Variants in FKBP4 observed in about 807,000 individuals in gnomAD.
The protein encoded by FKBP4 is FKBP prolyl isomerase 4, also known as peptidyl-prolyl cis-trans isomerase FKBP4.
Under a neutral mutation model 54.1 loss-of-function variants are expected in FKBP4, and 28 were observed. The ratio of observed to expected loss-of-function variants is 0.52; its 90% confidence interval spans 0.38 to 0.71. The LOEUF is 0.71. Ranked by LOEUF, FKBP4 falls within the 30% of genes least tolerant of loss-of-function variation. The pLI, the probability that FKBP4 is intolerant of heterozygous loss-of-function variation, is 0.00. For synonymous variants in FKBP4, 223 were observed against 216.1 expected (o/e 1.03, Z -0.28); for missense variants, 493 against 574.4 (o/e 0.86, Z 1.45).
In FKBP4 at chr12:2,801,201, C is replaced by T. The variant is rs767616167; in HGVS notation, c.1117C>T (p.Arg373Trp). The T allele has an allele frequency of 2.3e-5, 37 of 1,613,300 alleles. No homozygotes were observed. Among genetic ancestry groups the T allele is most frequent in the Admixed American group, 6.7e-5 (4 of 60,002 alleles). The change falls in exon 9 of 10, where the codon CGG (arginine) becomes TGG (tryptophan). Residue 373 changes from arginine to tryptophan, a missense_variant. By Grantham distance (101) the Arg-to-Trp change is moderately radical. Transcript: ENST00000001008. The part of the protein sequence containing the change: ...HLAVNDFELA[R>W]ADFQKVLQLY... ...GGCCGTGAATGACTTTGAACTGGCACGGGCTGATTTCCAGAAGGTCCTGCA... is the reference window on the plus strand; with the variant it reads ...GGCCGTGAATGACTTTGAACTGGCATGGGCTGATTTCCAGAAGGTCCTGCA...
At chr12:2,801,468 C>T (rs1311376748) in intron 9 of FKBP4, 112 bp downstream of exon 9, 16 of 1,499,992 alleles carry the variant, frequency 1.1e-5, no homozygotes, top group Non-Finnish European at 1.5e-5. Flanking sequence ...CAGAAGTTGC[C>T]TTTTCCCTGG....
Position 2,795,806 on chromosome 12 carries a change from TCCGGCGCCCTCCCGGGGTCCCCTG to T in FKBP4, c.105+566_105+589del, listed in dbSNP as rs1409098208. On this transcript the variant is annotated intron_variant, in intron 1 of 9. Coordinates refer to ENST00000001008, the MANE Select transcript of FKBP4 (RefSeq NM_002014.4). This position sits in a 1 kb window ranked among gnomAD's most constrained non-coding sequence, Gnocchi z 4.3. ...TTGTGCGACGCAGGCGCGACAGGGT[TCCGGCGCCCTCCCGGGGTCCCCTG>T]CCGACGCCGGGACCCAGCGAGGTCC... 3.9e-6 allele frequency: 1 copy of T among 254,342 alleles called. No individual in the cohort carries two copies. Among genetic ancestry groups the T allele is most frequent in the Non-Finnish European group, 6.2e-6 (1 of 160,872 alleles). The allele number at this position is 254,342 out of a possible 1,614,324, so 15.8% of individuals were successfully genotyped here. A position where few individuals can be genotyped will look rare whatever the true frequency, so the allele number is the denominator to read the frequency against.
At position 2,801,298 on chromosome 12, in the gene FKBP4, C is replaced by T; in HGVS notation, c.1214C>T (p.Ala405Val). The T allele has an allele frequency of 6.2e-7, 1 of 1,614,108 alleles. No individual in the cohort carries two copies. The highest frequency in any genetic ancestry group is 8.5e-7 in the Non-Finnish European group (1 of 1,180,044). Residue 405 changes from alanine (A) to valine (V), a missense_variant, in exon 9 of 10, where the codon GCC (alanine) becomes GTC (valine). Transcript: ENST00000001008. ...VCQQRIRRQL[A>V]REKKLYANMF... ...CAGCAGCGGATCCGAAGGCAGCTTG[C>T]CCGGGAGAAGAAGCTCTATGCCAAT...
chr12:2,797,070 G>A (rs1436803670), intron 1 of FKBP4, 68 bp from the exon 2 acceptor site: 1 of 1,595,210 alleles, frequency 6.3e-7, no homozygotes, highest in African/African-American at 1.3e-5. Flanking sequence ...CTGGAGGCTT[G>A]CAGGCAGTGC....
At chr12:2,801,443 G>A (rs1257592822) in intron 9 of FKBP4, 87 bp downstream of exon 9, 4 of 1,576,456 alleles carry the variant, frequency 2.5e-6, no homozygotes, top group Non-Finnish European at 3.5e-6. Context: ...GGTTGTCTGT[G>A]CCAATCCCGG....
chr12:2,799,874 G>A lies in FKBP4; in HGVS notation c.696G>A (p.Lys232=). Residue 232 remains lysine, a synonymous_variant, in exon 6 of 10, where the codon AAG becomes AAA. Coordinates refer to ENST00000001008, the MANE Select transcript of FKBP4 (RefSeq NM_002014.4). ...GCTATGCTTTTGGCAGTGTTGGGAA[G>A]GAAAAGTTCCAAATCCCACCAAATG... The part of the protein sequence containing the change: ...KPSYAFGSVG[K]EKFQIPPNAE... The A allele has an allele frequency of 6.2e-7, 1 of 1,614,076 alleles. No homozygotes were observed. Among genetic ancestry groups the A allele is most frequent in the Non-Finnish European group, 8.5e-7 (1 of 1,180,014 alleles).
rs750849959 is a variant in FKBP4, at chr12:2,803,678, C to A, written c.*420C>A. 1.2e-5 allele frequency: 2 copies of A among 171,898 alleles called. No homozygotes were observed. The highest frequency in any genetic ancestry group is 1.3e-5 in the Non-Finnish European group (1 of 78,268). 10.6% of individuals were successfully genotyped at this position (171,898 alleles called of 1,614,324 possible). A position where few individuals can be genotyped will look rare whatever the true frequency, so the allele number is the denominator to read the frequency against. On this transcript the variant is annotated 3_prime_UTR_variant, in exon 10 of 10. Coordinates refer to ENST00000001008, the MANE Select transcript of FKBP4 (RefSeq NM_002014.4). The stretch of plus-strand genomic sequence containing the variant: ...CCAGTCCATTTCCAAATGTGGCCTC[C>A]ATGTGGGTGCTAGGGACATGGGAAA...
At chr12:2,801,640 G>T in intron 9 of FKBP4, 1 of 527,050 alleles carries the variant, frequency 1.9e-6, no homozygotes, top group Non-Finnish European at 3.6e-6. Context: ...TGCAATCCCA[G>T]CACTTTGCAG....
chr12:2,801,444 C>T, intron 9 of FKBP4, 88 bp downstream of exon 9: 1 of 1,571,962 alleles, frequency 6.4e-7, no homozygotes, highest in East Asian at 2.2e-5. Flanking sequence ...GTTGTCTGTG[C>T]CAATCCCGGA....
intron 1 of FKBP4, chr12:2,796,829 T>C: frequency 8.7e-7 from 1 of 1,148,662 alleles, no homozygotes; most frequent in Non-Finnish European, 1.1e-6. Context: ...AGATAGGGAT[T>C]ATCATCACTG....
rs1451675131 is a variant in FKBP4 at position 2,803,374 on chromosome 12, C to G, written c.*116C>G. The G allele has an allele frequency of 9.7e-6, 7 of 721,622 alleles. No individual in the cohort carries two copies. The Admixed American group carries it at 1.7e-4, about 17-fold the overall frequency. The allele number at this position is 721,622 out of a possible 1,614,324, so 44.7% of individuals were successfully genotyped here. A position where few individuals can be genotyped will look rare whatever the true frequency, so the allele number is the denominator to read the frequency against. ...GTGAATTAGACCTTTATTTTTCTAT[C>G]TGGTTGGATGGTGGCTTTAGGGGAA... On this transcript the variant is annotated 3_prime_UTR_variant, in exon 10 of 10. Transcript: ENST00000001008.
rs2097904951 is a variant in FKBP4 at position 2,801,831 on chromosome 12, T to C, written c.1272+475T>C. 9.9e-5 allele frequency: 30 copies of C among 303,150 alleles called. 1 individual carries two copies. Among genetic ancestry groups the C allele is most frequent in the South Asian group, 8.2e-4 (29 of 35,490 alleles). 18.8% of individuals were successfully genotyped at this position (303,150 alleles called of 1,614,324 possible). On this transcript the variant is annotated intron_variant, in intron 9 of 9. Transcript: ENST00000001008. The stretch of plus-strand genomic sequence containing the variant: ...TAGTTAAATTCAAACTGTACCAAAG[T>C]ATACAGTCAAGTCTGCCTCCCCCAC...
In FKBP4 at chr12:2,795,447, AG is replaced by A. The variant is rs2097901134; in HGVS notation, c.105+209del. 6.8e-6 allele frequency among the ~76,000 whole-genome samples: 1 copy of A among 147,104 alleles called. No homozygotes were observed. The highest frequency in any genetic ancestry group is 1.5e-5 in the Non-Finnish European group (1 of 66,028). ...CACCGAGGCCGGCCATGCGCTCGGC[AG>A]GGGGGCGGCCTAGGTGCGCGGGCCG... On this transcript the variant is annotated intron_variant, in intron 1 of 9. Coordinates refer to ENST00000001008, the MANE Select transcript of FKBP4 (RefSeq NM_002014.4). This position sits in a 1 kb window ranked among gnomAD's most constrained non-coding sequence, Gnocchi z 4.3.
rs375816184 is a variant in FKBP4, at chr12:2,800,541, A to G, written c.996A>G (p.Leu332=). 6.2e-7 allele frequency: 1 copy of G among 1,613,548 alleles called. No homozygotes were observed. Among genetic ancestry groups the G allele is most frequent in the Non-Finnish European group, 8.5e-7 (1 of 1,179,866 alleles). ...HLNLAMCHLK[L]QAFSAAIESC... Reference sequence around the variant, plus strand: ...ACCTGGCCATGTGTCATCTGAAACTACAGGCCTTCTCTGCTGCCATTGAAA... The same window carrying G: ...ACCTGGCCATGTGTCATCTGAAACTGCAGGCCTTCTCTGCTGCCATTGAAA... Residue 332 remains leucine, a synonymous_variant, in exon 8 of 10, where the codon CTA becomes CTG. Coordinates refer to ENST00000001008, the MANE Select transcript of FKBP4 (RefSeq NM_002014.4).
At chr12:2,797,414 T>TC in intron 2 of FKBP4, 132 bp downstream of exon 2, 1 of 303,224 alleles carries the variant, frequency 3.3e-6, no homozygotes, top group Non-Finnish European at 5.1e-6. Flanking sequence ...TCGGTCACTC[T>TC]TTTTTTTTTT....
Position 2,805,057 on chromosome 12 carries a change from C to T in FKBP4, c.*1799C>T, listed in dbSNP as rs1273659003. On this transcript the variant is annotated 3_prime_UTR_variant, in exon 10 of 10. Coordinates refer to ENST00000001008, the MANE Select transcript of FKBP4 (RefSeq NM_002014.4). ...CTGCAGCCAACAATAATCACTAACT[C>T]AAGCATTTATGGAGTAAGCCTAGCA... 2 of 339,098 alleles carry T rather than the reference C, an allele frequency of 5.9e-6. No individual in the cohort carries two copies. The highest frequency in any genetic ancestry group is 1.2e-5 in the Non-Finnish European group (2 of 171,624). 21.0% of individuals were successfully genotyped at this position (339,098 alleles called of 1,614,324 possible). A position where few individuals can be genotyped will look rare whatever the true frequency, so the allele number is the denominator to read the frequency against.
At chr12:2,801,516 T>C in intron 9 of FKBP4, 160 bp downstream of exon 9, 1 of 1,021,834 alleles carries the variant, frequency 9.8e-7, no homozygotes, top group Non-Finnish European at 1.5e-6. Context: ...TTGGGGCCAG[T>C]GTTCTGTGAT....
At position 2,798,949 on chromosome 12, in the gene FKBP4, T is replaced by C; in HGVS notation, c.514+123T>C. ...GTCCATAAAATGAGGGGTTGGACCATATTCTCTTCATATCACTCCAGATTT... is the reference window on the plus strand; with the variant it reads ...GTCCATAAAATGAGGGGTTGGACCACATTCTCTTCATATCACTCCAGATTT... On this transcript the variant is annotated intron_variant, in intron 4 of 9. Transcript: ENST00000001008. The surrounding 1 kb of genome is among the most constrained non-coding windows in gnomAD (Gnocchi z 4.3). The C allele has an allele frequency of 7.1e-7, 1 of 1,406,520 alleles. No individual in the cohort carries two copies. The highest frequency in any genetic ancestry group is 9.8e-7 in the Non-Finnish European group (1 of 1,020,522). 87.1% of individuals were successfully genotyped at this position (1,406,520 alleles called of 1,614,324 possible).
At chr12:2,799,677 G>A (rs1409862511) in intron 5 of FKBP4, among the ~76,000 whole-genome samples, 173 bp from the exon 6 acceptor site, 1 of 152,196 alleles carries the variant, frequency 6.6e-6, no homozygotes, top group East Asian at 1.9e-4. Context: ...AGGGTATGAA[G>A]GATGCTGAGG....
Sources: gnomAD v4.1 joint callset for allele counts (sites outside exome capture counted in the v4.1 genomes callset) on GRCh38, gnomAD v4.1.1 for gene constraint, Gnocchi (gnomAD v3.1) non-coding constraint, MANE v1.5 for transcripts, NCBI Gene and HGNC (gene_info 2026-07-23, HGNC 2026-07-21) for gene names.